The following CEP63 variants were observed in gnomAD, a reference collection of about 807,000 sequenced individuals.
CEP63 encodes the protein centrosomal protein of 63 kDa.
A neutral mutation model predicts 89.1 loss-of-function variants in CEP63; 84 were observed. That is an observed-to-expected ratio of 0.94 (90% CI 0.79 to 1.13). The LOEUF (loss-of-function observed/expected upper bound fraction) is 1.13, where lower values mean the gene tolerates loss of function less well. Ranked by LOEUF, CEP63 falls within the 50% of genes most tolerant of loss-of-function variation. CEP63 has a pLI of 0.00. For synonymous variants in CEP63, 267 were observed against 272.5 expected (o/e 0.98, Z 0.20); for missense variants, 838 against 813.3 (o/e 1.03, Z -0.37).
chr3:134,772,296 C>A, the CEP63 span, among the ~76,000 whole-genome samples: 1 of 152,164 alleles, frequency 6.6e-6, no homozygotes, highest in African/African-American at 2.4e-5. Context: ...GGGCTGGATT[C>A]TCTTGCTAGA....
intron 3 of CEP63, chr3:134,510,484 C>T (rs1944583262): frequency 6.3e-6 from 2 of 315,054 alleles, no homozygotes; most frequent in African/African-American, 2.3e-5. Flanking sequence ...TTGAGCCTTT[C>T]TACTATTAAT....
At chr3:134,544,769 G>A (rs548512660) in intron 6 of CEP63, among the ~76,000 whole-genome samples, 9 of 152,048 alleles carry the variant, frequency 5.9e-5, no homozygotes, top group South Asian at 2.1e-4. Context: ...GCCAGGTTGC[G>A]GTTGAATTTC....
chr3:134,581,769 G>A (rs1285779666), intron 10 of CEP63, among the ~76,000 whole-genome samples: 3 of 131,230 alleles, frequency 2.3e-5, no homozygotes, highest in Non-Finnish European at 3.1e-5. Flanking sequence ...TCCGCCTCCC[G>A]GGTTCACGCC....
rs982887724 is a variant in CEP63, at chr3:134,486,272, C to T, written c.-26+70C>T. The T allele has an allele frequency of 1.2e-5, 12 of 985,466 alleles. No homozygotes were observed. In the Admixed American group the frequency reaches 2.5e-4, roughly 20 times the overall value. The allele number at this position is 985,466 out of a possible 1,614,324, so 61.0% of individuals were successfully genotyped here. ...ACCGCCGGTGCGCAAGTTGGAGGGG[C>T]AAGGGGCTGCCGTGTCCTGGTCTGG... On this transcript the variant is annotated intron_variant, in intron 1 of 14. Coordinates refer to ENST00000675561, the MANE Select transcript of CEP63 (RefSeq NM_001353108.3).
rs200035195 is a variant in CEP63 at position 134,551,941 on chromosome 3, C to T, written c.1396C>T (p.Leu466=). The T allele has an allele frequency of 1.2e-6, 2 of 1,607,892 alleles. No individual in the cohort carries two copies. The highest frequency in any genetic ancestry group is 3.3e-5 in the Admixed American group (2 of 59,782). The part of the protein sequence containing the change: ...AVEHKEILDQ[L]ESLKLENRHL... The stretch of plus-strand genomic sequence containing the variant: ...CCCTTTTCAGGAGATTTTGGATCAG[C>T]TGGAGTCACTCAAATTAGAAAATCG... The change falls in exon 12 of 15, where the codon CTG becomes TTG. Residue 466 remains leucine (L), a synonymous_variant. Coordinates refer to ENST00000675561, the MANE Select transcript of CEP63 (RefSeq NM_001353108.3).
downstream of CEP63, among the ~76,000 whole-genome samples, chr3:134,575,832 C>T (rs989257041): frequency 6.6e-6 from 1 of 152,054 alleles, no homozygotes; most frequent in Non-Finnish European, 1.5e-5. Flanking sequence ...AGGCTGGTCT[C>T]GAACTCCTGG....
At chr3:134,723,482 G>T in the CEP63 span, among the ~76,000 whole-genome samples, 1 of 152,182 alleles carries the variant, frequency 6.6e-6, no homozygotes, top group Non-Finnish European at 1.5e-5. Context: ...TTCACCCATG[G>T]ATCCCTGAAA....
intron 12 of CEP63, among the ~76,000 whole-genome samples, chr3:134,553,828 T>C (rs941920554): frequency 1.3e-5 from 2 of 152,170 alleles, no homozygotes; most frequent in African/African-American, 2.4e-5. Context: ...TTCAGAATGG[T>C]CTTATCTTTT....
chr3:134,661,638 T>G, the CEP63 span, among the ~76,000 whole-genome samples: 4 of 152,038 alleles, frequency 2.6e-5, no homozygotes, highest in Non-Finnish European at 5.9e-5. Context: ...ATTGAAATGC[T>G]TGGCACTCTC....
chr3:134,664,512 C>T, the CEP63 span, among the ~76,000 whole-genome samples: 1 of 152,198 alleles, frequency 6.6e-6, no homozygotes, highest in Non-Finnish European at 1.5e-5. Flanking sequence ...GCCCTCTGTG[C>T]ATGTACCTCA....
At chr3:134,585,727 G>A (rs1445748903) in intron 10 of CEP63, among the ~76,000 whole-genome samples, 1 of 152,162 alleles carries the variant, frequency 6.6e-6, no homozygotes, top group African/African-American at 2.4e-5. Context: ...GCAGAGCTGA[G>A]TTCAAGTCCT....
At chr3:134,654,657 G>T in the CEP63 span, among the ~76,000 whole-genome samples, 5 of 152,182 alleles carry the variant, frequency 3.3e-5, no homozygotes, top group Admixed American at 3.3e-4. Flanking sequence ...GCTTGATTCT[G>T]CTTCTGAGCC....
chr3:134,578,232 C>T (rs1444839244), downstream of CEP63, among the ~76,000 whole-genome samples: 1 of 152,078 alleles, frequency 6.6e-6, no homozygotes, highest in Non-Finnish European at 1.5e-5. Flanking sequence ...TTTACATTAC[C>T]ACCAACAGTG....
intron 6 of CEP63, among the ~76,000 whole-genome samples, chr3:134,538,670 G>T (rs1951375963): frequency 6.7e-6 from 1 of 150,268 alleles, no homozygotes; most frequent in Admixed American, 6.7e-5. Context: ...CTTCCACCTT[G>T]GCCTCCTAAA....
the CEP63 span, among the ~76,000 whole-genome samples, chr3:134,674,979 A>G: frequency 6.6e-6 from 1 of 152,242 alleles, no homozygotes. Context: ...AAACTGATCT[A>G]CAGATTCAAC....
chr3:134,651,851 G>A, the CEP63 span, among the ~76,000 whole-genome samples: 1 of 152,146 alleles, frequency 6.6e-6, no homozygotes, highest in East Asian at 1.9e-4. Context: ...CAGCAGCAGG[G>A]GTTTGGCTGT....
chr3:134,493,060 A>G (rs939624061), intron 1 of CEP63, among the ~76,000 whole-genome samples: 4 of 152,196 alleles, frequency 2.6e-5, no homozygotes, highest in African/African-American at 7.2e-5. Context: ...AAATATATTA[A>G]TGTTTAAGAA....
chr3:134,749,015 G>C, the CEP63 span, among the ~76,000 whole-genome samples: 3 of 152,156 alleles, frequency 2.0e-5, no homozygotes, highest in African/African-American at 7.2e-5. Flanking sequence ...TGCTGGGAAG[G>C]GGCTGGTGGA....
chr3:134,780,521 T>C, the CEP63 span: 2 of 152,224 alleles, frequency 1.3e-5, no homozygotes, highest in Non-Finnish European at 2.9e-5. Context: ...CTTTTGTATG[T>C]GGTATAAAAA....
Sources: allele counts gnomAD v4.1 joint callset (sites outside exome capture counted in the v4.1 genomes callset), GRCh38; gene constraint gnomAD v4.1.1; transcripts MANE v1.5; gene names NCBI Gene and HGNC (gene_info 2026-07-23, HGNC 2026-07-21).